Variants in CCSER1 observed in about 807,000 individuals in gnomAD.
CCSER1 encodes serine-rich coiled-coil domain-containing protein 1.
In CCSER1, 41 loss-of-function variants were observed where a neutral mutation model predicts 82.0. The ratio of observed to expected loss-of-function variants is 0.50; its 90% CI spans 0.39 to 0.65. The LOEUF (loss-of-function observed/expected upper bound fraction) is 0.65, where lower values mean the gene tolerates loss of function less well. Among genes scored for constraint, CCSER1 ranks in the 30% least tolerant of loss-of-function variants. The probability of loss-of-function intolerance (pLI) is 0.00; values close to 1 mark genes in which losing one functional copy is unlikely to be tolerated. For missense variants in CCSER1, 1,119 were observed against 1,064.2 expected (o/e 1.05, Z -0.72); for synonymous variants, 414 against 383.9 (o/e 1.08, Z -0.92).
chr4:91,150,583 G>T (rs1428901188), intron 10 of CCSER1, among the ~76,000 whole-genome samples: 1 of 152,136 alleles, frequency 6.6e-6, no homozygotes, highest in African/African-American at 2.4e-5. Context: ...AGTGATTCCA[G>T]TTTTTGCCCA....
At chr4:91,155,538 A>G (rs903195578) in intron 10 of CCSER1, among the ~76,000 whole-genome samples, 1 of 152,000 alleles carries the variant, frequency 6.6e-6, no homozygotes, top group African/African-American at 2.4e-5. Context: ...TGTCAGAAAT[A>G]AAATACAATT....
intron 10 of CCSER1, among the ~76,000 whole-genome samples, chr4:91,334,678 T>G: frequency 6.6e-6 from 1 of 152,104 alleles, no homozygotes; most frequent in Non-Finnish European, 1.5e-5. Flanking sequence ...TGCAAAGGGC[T>G]GTATTTGTGC....
intron 10 of CCSER1, among the ~76,000 whole-genome samples, chr4:91,295,519 T>G (rs1744086930): frequency 6.6e-6 from 1 of 151,932 alleles, no homozygotes; most frequent in African/African-American, 2.4e-5. Flanking sequence ...AATATTTAAT[T>G]ACTGAAATAT....
intron 3 of CCSER1, among the ~76,000 whole-genome samples, chr4:90,365,461 A>G (rs1347342476): frequency 6.6e-6 from 1 of 151,828 alleles, no homozygotes; most frequent in Non-Finnish European, 1.5e-5. Flanking sequence ...AAATATGCAG[A>G]CTTTAAAGAT....
intron 4 of CCSER1, among the ~76,000 whole-genome samples, chr4:90,410,180 T>C (rs1179143955): frequency 6.6e-6 from 1 of 152,128 alleles, no homozygotes; most frequent in South Asian, 2.1e-4. Context: ...ACAATAATAA[T>C]GGGAGACATT....
At chr4:91,481,753 A>G (rs1025793780) in intron 10 of CCSER1, among the ~76,000 whole-genome samples, 4 of 152,242 alleles carry the variant, frequency 2.6e-5, no homozygotes, top group African/African-American at 7.2e-5. Context: ...CCTCAAAAGC[A>G]TATCATAGTG....
chr4:90,430,962 G>T (rs1210761482), intron 4 of CCSER1, among the ~76,000 whole-genome samples: 1 of 151,922 alleles, frequency 6.6e-6, no homozygotes, highest in African/African-American at 2.4e-5. Context: ...AGAACCCTTT[G>T]AGCTAATTTT....
At chr4:91,266,124 T>C (rs1741551158) in intron 10 of CCSER1, among the ~76,000 whole-genome samples, 1 of 152,194 alleles carries the variant, frequency 6.6e-6, no homozygotes, top group Non-Finnish European at 1.5e-5. Context: ...GTGGAAATTA[T>C]GGAAACTACA....
intron 10 of CCSER1, among the ~76,000 whole-genome samples, chr4:91,317,469 A>G (rs1396651264): frequency 6.6e-6 from 1 of 151,914 alleles, no homozygotes; most frequent in East Asian, 1.9e-4. Flanking sequence ...CCCACTCTTC[A>G]TATATTATGG....
intron 7 of CCSER1, among the ~76,000 whole-genome samples, chr4:90,773,807 A>C (rs1036082436): frequency 1.3e-5 from 2 of 152,196 alleles, no homozygotes; most frequent in African/African-American, 4.8e-5. Context: ...AGAAATTAGA[A>C]TGTCTTGAGG....
chr4:91,361,453 T>TA lies in CCSER1; in HGVS notation c.2218-237118dup, dbSNP rs76556109. Among the ~76,000 whole-genome samples, 3 of 151,992 alleles carry TA rather than the reference T, an allele frequency of 2.0e-5. No homozygotes were observed. The East Asian group carries it at 5.8e-4, about 29-fold the overall frequency. On this transcript the variant is annotated intron_variant, in intron 10 of 10. Coordinates refer to ENST00000509176, the MANE Select transcript of CCSER1 (RefSeq NM_001145065.2). ...AAGACTTTCTGAAGTAGGAGATGAT[T>TA]AGAGTCTTAACTAATGTAATAATAA...
At chr4:90,748,300 T>C (rs921564599) in intron 7 of CCSER1, among the ~76,000 whole-genome samples, 1 of 150,380 alleles carries the variant, frequency 6.6e-6, no homozygotes, top group African/African-American at 2.4e-5. Context: ...GGTTTTTTGT[T>C]CTTGCAATAG....
chr4:90,784,987 G>A (rs1438492974), intron 7 of CCSER1, among the ~76,000 whole-genome samples: 1 of 152,066 alleles, frequency 6.6e-6, no homozygotes, highest in Admixed American at 6.5e-5. Context: ...GGAAGATGAA[G>A]GGTTGGCCTT....
At chr4:91,338,832 GC>G (rs1553925624) in intron 10 of CCSER1, among the ~76,000 whole-genome samples, 1 of 152,068 alleles carries the variant, frequency 6.6e-6, no homozygotes, top group East Asian at 1.9e-4. Context: ...TCCTGGTGAT[GC>G]CCACATGCTG....
intron 6 of CCSER1, among the ~76,000 whole-genome samples, chr4:90,689,906 G>A (rs1735509837): frequency 6.6e-6 from 1 of 152,074 alleles, no homozygotes; most frequent in South Asian, 2.1e-4. Flanking sequence ...TGGATGTGTG[G>A]TTAGTGCTGT....
chr4:90,205,177 C>T (rs1261546338), intron 1 of CCSER1, among the ~76,000 whole-genome samples: 4 of 152,040 alleles, frequency 2.6e-5, no homozygotes, highest in African/African-American at 9.7e-5. Context: ...TTTTGAATAC[C>T]CTTTATTTCT....
intron 10 of CCSER1, among the ~76,000 whole-genome samples, chr4:91,508,162 G>GTTTTTTT (rs139066436): frequency 5.1e-5 from 5 of 97,650 alleles, no homozygotes; most frequent in Non-Finnish European, 9.6e-5. Context: ...TTTTTTCTGG[G>GTTTTTTT]TTTTTTTTTT....
chr4:91,003,891 G>A (rs1048334864), intron 9 of CCSER1, among the ~76,000 whole-genome samples: 1 of 152,178 alleles, frequency 6.6e-6, no homozygotes, highest in South Asian at 2.1e-4. Flanking sequence ...AGCCCACAGG[G>A]CTTTTCCTGC....
At chr4:90,821,028 G>A (rs1869537) in intron 8 of CCSER1, among the ~76,000 whole-genome samples, 20,203 of 151,986 alleles carry the variant, frequency 0.13, 1,640 homozygotes, top group Non-Finnish European at 0.18. Context: ...TTTTCATTCC[G>A]TGATCAGTGT....
Sources: allele counts gnomAD v4.1 joint callset (sites outside exome capture counted in the v4.1 genomes callset), GRCh38; gene constraint gnomAD v4.1.1; transcripts MANE v1.5; gene names NCBI Gene and HGNC (gene_info 2026-07-23, HGNC 2026-07-21).